MARK2: variants seen among roughly 807,000 people sequenced by gnomAD.
The protein encoded by MARK2 is microtubule affinity regulating kinase 2.
Under a neutral mutation model 89.8 loss-of-function variants are expected in MARK2, and 16 were observed. The ratio of observed to expected loss-of-function variants is 0.18; its 90% CI spans 0.12 to 0.27. MARK2 has a LOEUF of 0.27. MARK2 is among the 10% of genes least tolerant of loss of function. MARK2 has a pLI of 1.00. For synonymous variants in MARK2, 382 were observed against 399.5 expected (o/e 0.96, Z 0.52); for missense variants, 621 against 1,049.9 (o/e 0.59, Z 5.65).
intron 1 of MARK2, among the ~76,000 whole-genome samples, chr11:63,853,353 C>T (rs1295204174): frequency 2.7e-5 from 4 of 150,934 alleles, no homozygotes; most frequent in Non-Finnish European, 4.4e-5. Flanking sequence ...GAGCCGAGAT[C>T]GTGCCATTGC....
chr11:63,887,048 A>T (rs1458567677), intron 1 of MARK2, among the ~76,000 whole-genome samples: 1 of 152,178 alleles, frequency 6.6e-6, no homozygotes, highest in Non-Finnish European at 1.5e-5. Context: ...TTGCTGTGGG[A>T]CCACTGGGAT....
At chr11:63,868,039 G>A (rs1309401144) in intron 1 of MARK2, among the ~76,000 whole-genome samples, 2 of 152,122 alleles carry the variant, frequency 1.3e-5, no homozygotes. Context: ...GAAACTGTTG[G>A]AGTACTTTGC....
chr11:63,851,179 G>A (rs2016555993), intron 1 of MARK2, among the ~76,000 whole-genome samples: 1 of 152,200 alleles, frequency 6.6e-6, no homozygotes, highest in South Asian at 2.1e-4. Context: ...CTCAGATTTT[G>A]GTCTCTGTTG....
chr11:63,908,371 C>G, intron 18 of MARK2, 67 bp downstream of exon 18: 1 of 1,330,716 alleles, frequency 7.5e-7, no homozygotes, highest in Non-Finnish European at 1.1e-6. Flanking sequence ...TCCTGCTCCT[C>G]TCTTCCTTCT....
At chr11:63,905,215 T>C (rs1434206200) in intron 16 of MARK2, among the ~76,000 whole-genome samples, 172 bp downstream of exon 16, 1 of 152,176 alleles carries the variant, frequency 6.6e-6, no homozygotes, top group Non-Finnish European at 1.5e-5. Context: ...CAACACCTTA[T>C]GTGCCCAGGC....
intron 1 of MARK2, among the ~76,000 whole-genome samples, chr11:63,852,778 T>A (rs1459123870): frequency 6.6e-6 from 1 of 152,210 alleles, no homozygotes; most frequent in Admixed American, 6.5e-5. Flanking sequence ...ACAGAACATT[T>A]TCATGTAGTA....
chr11:63,890,796 T>A (rs1484519176), intron 1 of MARK2, among the ~76,000 whole-genome samples: 1 of 152,266 alleles, frequency 6.6e-6, no homozygotes, highest in Non-Finnish European at 1.5e-5. Flanking sequence ...TAAGGCATTT[T>A]ACATGTGCTC....
intron 1 of MARK2, among the ~76,000 whole-genome samples, chr11:63,853,498 C>T (rs892356688): frequency 2.0e-5 from 3 of 152,130 alleles, no homozygotes; most frequent in African/African-American, 4.8e-5. Flanking sequence ...AGATGTGGCT[C>T]GACTTGCTGT....
intron 1 of MARK2, among the ~76,000 whole-genome samples, chr11:63,842,704 A>T (rs1184842633): frequency 1.3e-5 from 2 of 151,892 alleles, no homozygotes; most frequent in East Asian, 3.9e-4. Flanking sequence ...TATTTTTTTT[A>T]AAAAGGGGAT....
intron 1 of MARK2, among the ~76,000 whole-genome samples, chr11:63,892,812 G>A (rs1433095367): frequency 3.4e-5 from 5 of 145,614 alleles, no homozygotes; most frequent in Admixed American, 7.1e-5. Context: ...CTGCAGCCTC[G>A]AACTCCTCCT....
chr11:63,892,517 C>A (rs1939952829), intron 1 of MARK2, among the ~76,000 whole-genome samples: 1 of 152,028 alleles, frequency 6.6e-6, no homozygotes, highest in African/African-American at 2.4e-5. Context: ...CCAGCAGGGG[C>A]CATGAAAGGA....
At chr11:63,851,710 T>G (rs1346442351) in intron 1 of MARK2, among the ~76,000 whole-genome samples, 1 of 152,192 alleles carries the variant, frequency 6.6e-6, no homozygotes, top group East Asian at 1.9e-4. Context: ...CACCTGGTCC[T>G]TTTGTTCTCT....
At chr11:63,894,637 G>C (rs1037287077) in intron 1 of MARK2, among the ~76,000 whole-genome samples, 5 of 152,070 alleles carry the variant, frequency 3.3e-5, no homozygotes, top group African/African-American at 1.2e-4. Flanking sequence ...TGGAGGTTGC[G>C]GTGAGCTGAG....
intron 1 of MARK2, among the ~76,000 whole-genome samples, chr11:63,873,435 G>A (rs1388978763): frequency 6.6e-6 from 1 of 152,150 alleles, no homozygotes; most frequent in Non-Finnish European, 1.5e-5. Context: ...GAAAGGGGAT[G>A]TTGGAGTGGG....
intron 1 of MARK2, among the ~76,000 whole-genome samples, chr11:63,850,509 A>G (rs995051700): frequency 1.3e-5 from 2 of 151,794 alleles, no homozygotes; most frequent in Admixed American, 1.3e-4. Context: ...AAAAAATGGA[A>G]TGCTACTGGA....
intron 1 of MARK2, among the ~76,000 whole-genome samples, chr11:63,876,142 C>T (rs1938739336): frequency 1.3e-5 from 2 of 152,146 alleles, no homozygotes; most frequent in Non-Finnish European, 2.9e-5. Flanking sequence ...TTTTCTAGCT[C>T]CATTTATACA....
intron 1 of MARK2, among the ~76,000 whole-genome samples, chr11:63,843,693 C>T (rs1021407831): frequency 6.6e-5 from 10 of 151,732 alleles, no homozygotes; most frequent in African/African-American, 2.4e-4. Context: ...GATGCGATCT[C>T]GGCTCACTGC....
chr11:63,839,412 C>T lies in MARK2; in HGVS notation c.-95C>T. On this transcript the variant is annotated 5_prime_UTR_variant, in exon 1 of 19. Transcript: ENST00000402010. ...GGCCGGGGCCCATGCGGCGGGTGCT[C>T]CTGCTGTGAGAAGCCCCGCCCGGCC... is the stretch of plus-strand genomic sequence containing the variant. 1.4e-6 allele frequency: 1 copy of T among 729,948 alleles called. No individual in the cohort carries two copies. Among genetic ancestry groups the T allele is most frequent in the Non-Finnish European group, 2.3e-6 (1 of 430,474 alleles). The allele number at this position is 729,948 out of a possible 1,614,324, so 45.2% of individuals were successfully genotyped here.
chr11:63,864,676 C>T (rs1208402415), intron 1 of MARK2, among the ~76,000 whole-genome samples: 4 of 151,254 alleles, frequency 2.6e-5, no homozygotes, highest in Non-Finnish European at 4.4e-5. Context: ...AGATTACAGG[C>T]GTGAGCCACT....
Sources: allele counts gnomAD v4.1 joint callset (sites outside exome capture counted in the v4.1 genomes callset), GRCh38; gene constraint gnomAD v4.1.1; transcripts MANE v1.5; gene names NCBI Gene and HGNC (gene_info 2026-07-23, HGNC 2026-07-21).